FAM13A: variants seen among roughly 807,000 people sequenced by gnomAD.
FAM13A encodes the protein protein FAM13A.
FAM13A carries 76 observed loss-of-function variants against 129.6 expected under a neutral mutation model. The observed-to-expected ratio is 0.59, with a 90% CI of 0.49 to 0.71. The LOEUF is 0.71. Among genes scored for constraint, FAM13A ranks in the 30% least tolerant of loss-of-function variants. The pLI is 0.00. For synonymous variants in FAM13A, 443 were observed against 449.9 expected, an observed-to-expected ratio of 0.98 and a Z score of 0.20; for missense variants, 1,108 against 1,249.3, an observed-to-expected ratio of 0.89 and a Z score of 1.70.
In FAM13A at chr4:88,750,882, T is replaced by G. The variant is rs78128386; in HGVS notation, c.1727-245A>C. On this transcript the variant is annotated intron_variant, in intron 14 of 23. Transcript: ENST00000264344. Reference sequence around the variant, plus strand: ...CACTGGCTTTCCAAAGAGAATTTGCTAGGCTACCCTGAGGAGCAGCCTTGA... The same window carrying G: ...CACTGGCTTTCCAAAGAGAATTTGCGAGGCTACCCTGAGGAGCAGCCTTGA... 4.2e-3 allele frequency among the ~76,000 whole-genome samples: 637 copies of G among 152,334 alleles called. 3 individuals carry two copies. Among genetic ancestry groups the G allele is most frequent in the African/African-American group, 0.013 (557 of 41,578 alleles).
chr4:88,972,610 C>CT (rs1760274937), intron 4 of FAM13A, among the ~76,000 whole-genome samples: 1 of 151,542 alleles, frequency 6.6e-6, no homozygotes, highest in African/African-American at 2.4e-5. Context: ...CCCTCCTTCA[C>CT]TTTTTTTTGG....
At chr4:88,761,231 G>C (rs1373273980) in intron 13 of FAM13A, among the ~76,000 whole-genome samples, 5 of 152,208 alleles carry the variant, frequency 3.3e-5, no homozygotes, top group Non-Finnish European at 7.3e-5. Flanking sequence ...AGGGCCTTCA[G>C]CATGGTGTCT....
chr4:88,987,528 T>C (rs955446857), intron 4 of FAM13A, among the ~76,000 whole-genome samples: 11 of 152,254 alleles, frequency 7.2e-5, no homozygotes, highest in African/African-American at 2.6e-4. Flanking sequence ...ACATTAAGGA[T>C]ACAATATCAC....
intron 8 of FAM13A, 88 bp downstream of exon 8, chr4:88,804,923 G>C (rs1242430748): frequency 1.3e-6 from 1 of 750,964 alleles, no homozygotes; most frequent in Non-Finnish European, 2.3e-6. Context: ...ATGTTCTATT[G>C]AAAGAGATTA....
At position 88,728,418 on chromosome 4, in the gene FAM13A, G is replaced by T; in HGVS notation, c.*115C>A. The T allele has an allele frequency of 7.7e-7, 1 of 1,300,052 alleles. No homozygotes were observed. The highest frequency in any genetic ancestry group is 1.1e-6 in the Non-Finnish European group (1 of 921,188). The allele number at this position is 1,300,052 out of a possible 1,614,324, so 80.5% of individuals were successfully genotyped here. On this transcript the variant is annotated 3_prime_UTR_variant, in exon 24 of 24. Transcript: ENST00000264344. ...GCCGATGCCAAATGGTCTAGAGGCA[G>T]AAGGGCTGCATGCTTTGCAGGGCCA...
chr4:88,946,544 G>A (rs114397099), intron 4 of FAM13A, among the ~76,000 whole-genome samples: 2,053 of 150,676 alleles, frequency 0.014, 51 homozygotes, highest in African/African-American at 0.047. Flanking sequence ...ATTTGAAAAT[G>A]TAGTAACAGA....
At chr4:89,039,588 G>A (rs1769834000) in intron 1 of FAM13A, among the ~76,000 whole-genome samples, 1 of 152,116 alleles carries the variant, frequency 6.6e-6, no homozygotes, top group Non-Finnish European at 1.5e-5. Context: ...TCAAAAAAAT[G>A]TCTACTCATT....
chr4:88,947,507 G>C (rs1226272916), intron 4 of FAM13A, among the ~76,000 whole-genome samples: 2 of 152,102 alleles, frequency 1.3e-5, no homozygotes, highest in African/African-American at 2.4e-5. Flanking sequence ...AAAATCAGGA[G>C]AGAGAGATAG....
intron 4 of FAM13A, among the ~76,000 whole-genome samples, chr4:88,977,649 G>A (rs1213229637): frequency 6.6e-6 from 1 of 152,116 alleles, no homozygotes; most frequent in Non-Finnish European, 1.5e-5. Flanking sequence ...CAAGCAATTA[G>A]CTTGCGGAGT....
chr4:88,875,146 T>C (rs970459825), intron 6 of FAM13A, among the ~76,000 whole-genome samples: 1 of 152,172 alleles, frequency 6.6e-6, no homozygotes, highest in African/African-American at 2.4e-5. Context: ...TAATTCAAGA[T>C]GGATTAAAGA....
chr4:88,833,111 T>C lies in FAM13A; in HGVS notation c.1007+17909A>G, dbSNP rs564479950. On this transcript the variant is annotated intron_variant, in intron 7 of 23. Transcript: ENST00000264344. Reference sequence around the variant, plus strand: ...GGATGGAGCCAGAAGCCATTATCCATAGAAAACTAATGCAGAAACAGAAAA... The same window carrying C: ...GGATGGAGCCAGAAGCCATTATCCACAGAAAACTAATGCAGAAACAGAAAA... 6.6e-5 allele frequency among the ~76,000 whole-genome samples: 10 copies of C among 152,208 alleles called. No individual in the cohort carries two copies. In the South Asian group the frequency reaches 2.1e-3, roughly 32 times the overall value.
At position 88,847,705 on chromosome 4, in the gene FAM13A, C is replaced by A. The variant is rs565619567; in HGVS notation, c.1007+3315G>T. Among the ~76,000 whole-genome samples the A allele has an allele frequency of 3.9e-5, 6 of 152,202 alleles. No homozygotes were observed. The South Asian group carries it at 1.0e-3, about 26-fold the overall frequency. On this transcript the variant is annotated intron_variant, in intron 7 of 23. Coordinates refer to ENST00000264344, the MANE Select transcript of FAM13A (RefSeq NM_014883.4). The stretch of plus-strand genomic sequence containing the variant: ...ATCCCAGCACTTTGGGAGGCCGAGG[C>A]GGGTGGTTCAAGAGGTCAGGAGATT...
intron 1 of FAM13A, among the ~76,000 whole-genome samples, chr4:89,040,344 T>C (rs543455830): frequency 6.6e-6 from 1 of 152,340 alleles, no homozygotes; most frequent in African/African-American, 2.4e-5. Flanking sequence ...TTATGAATGC[T>C]TGATATTTTT....
chr4:88,848,560 C>T (rs1034846843), intron 7 of FAM13A, among the ~76,000 whole-genome samples: 2 of 152,214 alleles, frequency 1.3e-5, no homozygotes, highest in Non-Finnish European at 2.9e-5. Flanking sequence ...GACTCATCCA[C>T]ACCTGCTCAT....
intron 3 of FAM13A, among the ~76,000 whole-genome samples, chr4:89,002,121 A>G (rs1380300640): frequency 6.6e-6 from 1 of 150,726 alleles, no homozygotes; most frequent in African/African-American, 2.4e-5. Context: ...AGTCTTCCCA[A>G]GGCTCCACTG....
chr4:89,029,553 C>T lies in FAM13A; in HGVS notation c.124G>A (p.Gly42Arg). ...QKDFTYQKLF[G>R]VSLQELERQG... ...CGTTCAAGTTCTTGGAGACTGACTC[C>T]AAATAACTTCTGATAGGTAAAATCC... Residue 42 changes from glycine (G) to arginine (R), a missense_variant, in exon 2 of 24, where the codon GGA becomes AGA. Physicochemically the swap from Gly to Arg is moderately radical, Grantham distance 125. This residue lies in a region of FAM13A where 566 missense variants were observed against 595.7 expected (regional missense o/e 0.95). Transcript: ENST00000264344. 6.3e-7 allele frequency: 1 copy of T among 1,594,634 alleles called. No individual in the cohort carries two copies. The highest frequency in any genetic ancestry group is 8.5e-7 in the Non-Finnish European group (1 of 1,174,416).
intron 2 of FAM13A, 105 bp from the exon 3 acceptor site, chr4:89,020,774 C>G: frequency 1.4e-6 from 1 of 724,124 alleles, no homozygotes; most frequent in Admixed American, 2.4e-5. Context: ...ATGATTCTCT[C>G]AACACTGTAA....
At chr4:89,037,157 T>A (rs991189514) in intron 1 of FAM13A, among the ~76,000 whole-genome samples, 6 of 152,212 alleles carry the variant, frequency 3.9e-5, no homozygotes, top group Non-Finnish European at 8.8e-5. Context: ...GCTTGCATCA[T>A]GTGCCTGGAA....
intron 1 of FAM13A, among the ~76,000 whole-genome samples, chr4:89,037,577 G>A (rs1403139612): frequency 1.3e-5 from 2 of 152,164 alleles, no homozygotes; most frequent in African/African-American, 4.8e-5. Flanking sequence ...AGACTCGGGG[G>A]ACTGCTGAGA....
Sources: allele counts gnomAD v4.1 joint callset (sites outside exome capture counted in the v4.1 genomes callset), GRCh38; gene constraint gnomAD v4.1.1; regional missense constraint gnomAD v4.1.1; transcripts MANE v1.5; gene names NCBI Gene and HGNC (gene_info 2026-07-23, HGNC 2026-07-21).